Variants in TGS1 observed in about 807,000 individuals in gnomAD.
TGS1 encodes trimethylguanosine synthase.
Under a neutral mutation model 92.2 loss-of-function variants are expected in TGS1, and 69 were observed. That is an observed-to-expected ratio of 0.75 (90% CI 0.62 to 0.91). The LOEUF (loss-of-function observed/expected upper bound fraction) is 0.91, where lower values mean the gene tolerates loss of function less well. TGS1 is among the 40% of genes least tolerant of loss of function. TGS1 has a pLI of 0.00. For missense variants in TGS1, 1,062 were observed against 1,001.2 expected (o/e 1.06, Z -0.82); for synonymous variants, 345 against 338.1 (o/e 1.02, Z -0.22).
At chr8:55,814,945 A>G (rs932690917) in intron 12 of TGS1, among the ~76,000 whole-genome samples, 44 of 151,980 alleles carry the variant, frequency 2.9e-4, no homozygotes, top group African/African-American at 1.1e-3. Context: ...CATATGATTC[A>G]GAGCTGCTTT....
At chr8:55,776,277 CTTT>C (rs71256565) in intron 1 of TGS1, among the ~76,000 whole-genome samples, 2 of 120,528 alleles carry the variant, frequency 1.7e-5, no homozygotes, top group Non-Finnish European at 3.5e-5. Flanking sequence ...TTCACGGTGT[CTTT>C]TTTTTTTTTT....
chr8:55,810,448 G>A (rs62515259), intron 10 of TGS1, among the ~76,000 whole-genome samples: 12,907 of 152,164 alleles, frequency 0.085, 589 homozygotes, highest in South Asian at 0.11. Flanking sequence ...AGAAGTTGTC[G>A]AATTTCTGTT....
intron 1 of TGS1, among the ~76,000 whole-genome samples, chr8:55,779,626 G>T (rs978185676): frequency 2.0e-5 from 3 of 152,204 alleles, no homozygotes; most frequent in Non-Finnish European, 4.4e-5. Flanking sequence ...GTATGATCGG[G>T]TACTGATGCT....
intron 10 of TGS1, among the ~76,000 whole-genome samples, chr8:55,808,900 T>C (rs1210591360): frequency 6.6e-6 from 1 of 152,154 alleles, no homozygotes; most frequent in Non-Finnish European, 1.5e-5. Context: ...CCTCCTAGTA[T>C]CCCCGTAGGA....
rs186715244 is a variant in TGS1 at position 55,814,585 on chromosome 8, A to C, written c.2439+1467A>C. ...AGACCTGTAATCCCAGCACTTTGGG[A>C]GGCCAAGGCAGGCAGATCGCTTGAG... On this transcript the variant is annotated intron_variant, in intron 12 of 12. Transcript: ENST00000260129. Among the ~76,000 whole-genome samples, 8 of 150,008 alleles carry C rather than the reference A, an allele frequency of 5.3e-5. No individual in the cohort carries two copies. In the East Asian group the frequency reaches 1.4e-3, roughly 26 times the overall value.
At chr8:55,774,752 A>G (rs1357441509) in intron 1 of TGS1, among the ~76,000 whole-genome samples, 2 of 152,226 alleles carry the variant, frequency 1.3e-5, no homozygotes, top group Non-Finnish European at 2.9e-5. Flanking sequence ...GATTATAGTT[A>G]TAAGTGCTAT....
At chr8:55,822,599 T>C (rs1289857058) in intron 12 of TGS1, among the ~76,000 whole-genome samples, 1 of 151,742 alleles carries the variant, frequency 6.6e-6, no homozygotes, top group Non-Finnish European at 1.5e-5. Context: ...GGCATAAAGA[T>C]ACCAAAATAG....
At chr8:55,775,623 G>A (rs1054649996) in intron 1 of TGS1, among the ~76,000 whole-genome samples, 12 of 152,130 alleles carry the variant, frequency 7.9e-5, no homozygotes, top group Admixed American at 2.6e-4. Flanking sequence ...TTGGGTCAAC[G>A]GAGAAGAGAT....
chr8:55,798,829 A>G, intron 7 of TGS1, 85 bp from the exon 8 acceptor site: 1 of 1,111,110 alleles, frequency 9.0e-7, no homozygotes, highest in South Asian at 1.6e-5. Flanking sequence ...ACAGCTTTTC[A>G]GTCAAGTCAC....
In TGS1 at chr8:55,811,002, A is replaced by G. The variant is rs777862440; in HGVS notation, c.2265A>G (p.Leu755=). The part of the protein sequence containing the change: ...CGDFLLLASF[L]KADVVFLSPP... The stretch of plus-strand genomic sequence containing the variant: ...ATTTCTTGCTGCTGGCTTCTTTTTT[A>G]AAGGCTGATGTTGTGTTCCTCAGCC... Residue 755 remains leucine (L), a synonymous_variant, in exon 11 of 13, where the codon TTA becomes TTG. Coordinates refer to ENST00000260129, the MANE Select transcript of TGS1 (RefSeq NM_024831.8). 2.5e-6 allele frequency: 4 copies of G among 1,614,178 alleles called. No individual in the cohort carries two copies. In the South Asian group the frequency reaches 4.4e-5, roughly 18 times the overall value.
chr8:55,817,663 AAATCT>A (rs1414322524), intron 12 of TGS1, among the ~76,000 whole-genome samples: 1 of 152,178 alleles, frequency 6.6e-6, no homozygotes, highest in African/African-American at 2.4e-5. Flanking sequence ...AATATAGTGG[AAATCT>A]AATCTAATGG....
At chr8:55,788,811 C>T (rs1811793140) in intron 4 of TGS1, among the ~76,000 whole-genome samples, 2 of 152,088 alleles carry the variant, frequency 1.3e-5, no homozygotes. Flanking sequence ...TCTATACTCT[C>T]CTGATACCTT....
chr8:55,796,060 A>T lies in TGS1; in HGVS notation c.1450A>T (p.Met484Leu), dbSNP rs570355997. Residue 484 changes from methionine (M) to leucine (L), a missense_variant, in exon 7 of 13, where the codon ATG becomes TTG. Transcript: ENST00000260129. ...GAAGCTTAAGTCTAAGTACCTAGACATGCGCAGACAAATAAAGATGAAAAA... is the reference window on the plus strand; with the variant it reads ...GAAGCTTAAGTCTAAGTACCTAGACTTGCGCAGACAAATAAAGATGAAAAA... ...NVKLKSKYLD[M>L]RRQIKMKNKH... 2.5e-6 allele frequency: 4 copies of T among 1,610,368 alleles called. No individual in the cohort carries two copies. In the African/African-American group the frequency reaches 5.3e-5, roughly 21 times the overall value.
chr8:55,792,857 C>G (rs1811924558), intron 6 of TGS1, 73 bp downstream of exon 6: 11 of 907,396 alleles, frequency 1.2e-5, no homozygotes, highest in Non-Finnish European at 1.3e-5. Flanking sequence ...CTCTGATACT[C>G]AGATAACTAA....
chr8:55,788,454 C>CTTTTT (rs71256568), intron 4 of TGS1, among the ~76,000 whole-genome samples: 54 of 91,096 alleles, frequency 5.9e-4, no homozygotes, highest in African/African-American at 1.5e-3. Flanking sequence ...CATTTTCATC[C>CTTTTT]TTTTTTTTTT....
At chr8:55,795,831 G>C (rs1157318327) in intron 6 of TGS1, 147 bp from the exon 7 acceptor site, 2 of 689,574 alleles carry the variant, frequency 2.9e-6, no homozygotes, top group African/African-American at 3.7e-5. Context: ...TCTGCAAGTT[G>C]AACTTGATTT....
At position 55,786,690 on chromosome 8, in the gene TGS1, C is replaced by T. The variant is rs1164172715; in HGVS notation, c.792C>T (p.Ala264=). 6.2e-7 allele frequency: 1 copy of T among 1,613,946 alleles called. No individual in the cohort carries two copies. Among genetic ancestry groups the T allele is most frequent in the Non-Finnish European group, 8.5e-7 (1 of 1,180,020 alleles). The change falls in exon 4 of 13, where the codon GCC becomes GCT. Residue 264 remains alanine (A), a synonymous_variant. Transcript: ENST00000260129. ...AAGCTCAGGGTTGGACTTTTGATGC[C>T]TCGCAAAGCTGTGATACAGATACTT... ...YWEAQGWTFD[A]SQSCDTDTYT... is the part of the protein sequence containing the mutation.
At position 55,826,420 on chromosome 8, in the gene TGS1, G is replaced by A. The variant is rs1219359476; in HGVS notation, c.*1717G>A. ...CACACAGGGATAAAACTAATAGACT[G>A]TTAAGATTGTCAGTACTCAATAGGA... On this transcript the variant is annotated 3_prime_UTR_variant, in exon 13 of 13. Coordinates refer to ENST00000260129, the MANE Select transcript of TGS1 (RefSeq NM_024831.8). Among the ~76,000 whole-genome samples, 2 of 152,160 alleles carry A rather than the reference G, an allele frequency of 1.3e-5. No homozygotes were observed. The highest frequency in any genetic ancestry group is 4.8e-5 in the African/African-American group (2 of 41,410).
At chr8:55,782,838 C>A (rs775559533) in intron 2 of TGS1, 26 bp downstream of exon 2, 2 of 1,491,052 alleles carry the variant, frequency 1.3e-6, no homozygotes, top group Non-Finnish European at 9.2e-7. Context: ...ATTCTATAAA[C>A]CTTTTTTGCT....
Sources: allele counts gnomAD v4.1 joint callset (sites outside exome capture counted in the v4.1 genomes callset), GRCh38; gene constraint gnomAD v4.1.1; transcripts MANE v1.5; gene names NCBI Gene and HGNC (gene_info 2026-07-23, HGNC 2026-07-21).